Variants in USH2A observed in about 807,000 individuals in gnomAD.
USH2A encodes usherin, also known as Usher syndrome 2A (autosomal recessive, mild).
USH2A carries 443 observed loss-of-function variants against 538.9 expected under a neutral mutation model. The ratio of observed to expected loss-of-function variants is 0.82; its 90% CI spans 0.76 to 0.89. The LOEUF (loss-of-function observed/expected upper bound fraction) is 0.89. Among genes scored for constraint, USH2A ranks in the 40% least tolerant of loss-of-function variants. The pLI, the probability that USH2A is intolerant of heterozygous loss-of-function variation, is 0.00. For synonymous variants in USH2A, 2,413 were observed against 2,273.5 expected (o/e 1.06, Z -1.75); for missense variants, 6,633 against 6,324.8 (o/e 1.05, Z -1.65).
At chr1:216,273,088 G>T (rs1270695746) in intron 11 of USH2A, among the ~76,000 whole-genome samples, 2 of 152,154 alleles carry the variant, frequency 1.3e-5, no homozygotes, top group East Asian at 3.9e-4. Context: ...AAAAAAAGCA[G>T]GTAGGAACAC....
chr1:216,392,687 TTATA>T (rs2039132466), intron 3 of USH2A, among the ~76,000 whole-genome samples: 1 of 152,018 alleles, frequency 6.6e-6, no homozygotes, highest in South Asian at 2.1e-4. Flanking sequence ...GCAGACAAAA[TTATA>T]TATGTTTTAA....
At chr1:215,867,288 C>G in intron 43 of USH2A, 118 bp from the exon 44 acceptor site, 1 of 1,111,156 alleles carries the variant, frequency 9.0e-7, no homozygotes, top group Admixed American at 2.3e-5. Flanking sequence ...CTACAAAATA[C>G]TGTTTTCTTT....
intron 32 of USH2A, among the ~76,000 whole-genome samples, chr1:216,011,033 AC>A (rs759442197): frequency 4.3e-4 from 65 of 152,090 alleles, no homozygotes; most frequent in Non-Finnish European, 7.6e-4. Flanking sequence ...GCCTGTTATC[AC>A]CCGCCTGCTA....
intron 9 of USH2A, among the ~76,000 whole-genome samples, chr1:216,313,256 C>T (rs1379071103): frequency 6.6e-6 from 1 of 152,148 alleles, no homozygotes; most frequent in Non-Finnish European, 1.5e-5. Flanking sequence ...CTGCTCACGT[C>T]CTACTATGCA....
At chr1:216,032,961 TA>T (rs1167797957) in intron 32 of USH2A, among the ~76,000 whole-genome samples, 2 of 152,086 alleles carry the variant, frequency 1.3e-5, no homozygotes, top group African/African-American at 4.8e-5. Flanking sequence ...CGAACCCAAT[TA>T]AATCCACCCA....
intron 22 of USH2A, among the ~76,000 whole-genome samples, chr1:216,089,715 T>C (rs1156420345): frequency 1.3e-5 from 2 of 151,946 alleles, no homozygotes; most frequent in Admixed American, 1.3e-4. Context: ...ATTATAGTTC[T>C]GGCTAAGGTA....
chr1:216,131,717 T>C (rs912714890), intron 21 of USH2A, among the ~76,000 whole-genome samples: 4 of 152,098 alleles, frequency 2.6e-5, no homozygotes, highest in Non-Finnish European at 5.9e-5. Flanking sequence ...TAGAGTACTA[T>C]GTTCAATCCA....
At chr1:215,927,341 G>C (rs1666261143) in intron 38 of USH2A, among the ~76,000 whole-genome samples, 1 of 151,998 alleles carries the variant, frequency 6.6e-6, no homozygotes, top group African/African-American at 2.4e-5. Context: ...TTTCAAAGTG[G>C]AAATCAAACT....
At chr1:216,191,695 T>C (rs1160071003) in intron 19 of USH2A, among the ~76,000 whole-genome samples, 1 of 151,990 alleles carries the variant, frequency 6.6e-6, no homozygotes, top group Non-Finnish European at 1.5e-5. Context: ...GAGTTAAACT[T>C]ATGAATATTG....
intron 4 of USH2A, among the ~76,000 whole-genome samples, chr1:216,355,307 A>AAAGAAAGAAAGAAAGAAAGAAAG: frequency 9.7e-6 from 1 of 103,406 alleles, no homozygotes; most frequent in African/African-American, 4.5e-5. Flanking sequence ...CTCTGCTTCA[A>AAAGAAAGAAAGAAAGAAAGAAAG]AAAGAAAGAA....
intron 13 of USH2A, among the ~76,000 whole-genome samples, chr1:216,245,730 C>T (rs2036027297): frequency 6.6e-6 from 1 of 152,008 alleles, no homozygotes; most frequent in African/African-American, 2.4e-5. Flanking sequence ...TGACCAATGC[C>T]AAAGGAAAAG....
chr1:215,781,549 C>T (rs1158730385), intron 54 of USH2A, among the ~76,000 whole-genome samples: 1 of 152,116 alleles, frequency 6.6e-6, no homozygotes, highest in East Asian at 1.9e-4. Flanking sequence ...CGGTTCTGAC[C>T]TCTGCTGCCT....
intron 11 of USH2A, among the ~76,000 whole-genome samples, chr1:216,274,576 T>C (rs2036635153): frequency 6.6e-6 from 1 of 152,062 alleles, no homozygotes; most frequent in African/African-American, 2.4e-5. Flanking sequence ...AAGGAACTCA[T>C]TCCACTTCAA....
intron 11 of USH2A, among the ~76,000 whole-genome samples, chr1:216,268,886 G>A (rs1191337539): frequency 6.6e-6 from 1 of 151,860 alleles, no homozygotes; most frequent in African/African-American, 2.4e-5. Context: ...CCTTAATATG[G>A]TACTCTCAAG....
intron 58 of USH2A, among the ~76,000 whole-genome samples, chr1:215,758,109 C>G (rs1192989572): frequency 6.6e-6 from 1 of 151,710 alleles, no homozygotes; most frequent in Non-Finnish European, 1.5e-5. Flanking sequence ...CATGGAGAAA[C>G]ACTGTCTCTA....
chr1:215,829,633 T>C (rs1571726548), intron 47 of USH2A, among the ~76,000 whole-genome samples: 1 of 152,190 alleles, frequency 6.6e-6, no homozygotes, highest in Admixed American at 6.5e-5. Flanking sequence ...CAAGTATACA[T>C]TGCCAGAAGT....
At chr1:215,898,716 T>A (rs1263146276) in intron 40 of USH2A, among the ~76,000 whole-genome samples, 1 of 152,198 alleles carries the variant, frequency 6.6e-6, no homozygotes, top group Non-Finnish European at 1.5e-5. Flanking sequence ...AAGAAGGAGA[T>A]TACAAATCTA....
intron 32 of USH2A, among the ~76,000 whole-genome samples, chr1:216,011,201 C>T (rs1217780179): frequency 6.6e-6 from 1 of 152,162 alleles, no homozygotes; most frequent in Non-Finnish European, 1.5e-5. Context: ...GTATACTCTC[C>T]TATCCTCAAT....
In USH2A at chr1:215,674,315, G is replaced by C. The variant is rs886775998; in HGVS notation, c.13596C>G (p.Pro4532=). The C allele has an allele frequency of 1.2e-6, 2 of 1,613,830 alleles. No individual in the cohort carries two copies. The highest frequency in any genetic ancestry group is 2.2e-5 in the East Asian group (1 of 44,850). ...LVKDRTSPSA[P]SGMEPPKLQA... The stretch of plus-strand genomic sequence containing the variant: ...GCAATTTTGGAGGTTCCATCCCTGA[G>C]GGTGCTGAGGGGCTGGTTCGATCTT... Residue 4532 remains proline, a synonymous_variant, in exon 63 of 72, where the codon CCC becomes CCG. Coordinates refer to ENST00000307340, the MANE Select transcript of USH2A (RefSeq NM_206933.4).
Sources: gnomAD v4.1 joint callset for allele counts (sites outside exome capture counted in the v4.1 genomes callset) on GRCh38, gnomAD v4.1.1 for gene constraint, MANE v1.5 for transcripts, NCBI Gene and HGNC (gene_info 2026-07-23, HGNC 2026-07-21) for gene names.